Variants in CLUH observed in about 807,000 individuals in gnomAD.
CLUH encodes the protein clustered mitochondria protein homolog.
CLUH carries 77 observed loss-of-function variants against 139.3 expected under a neutral mutation model. That is an observed-to-expected ratio of 0.55 (90% CI 0.46 to 0.67). The LOEUF (loss-of-function observed/expected upper bound fraction) is 0.67. Among genes scored for constraint, CLUH ranks in the 30% least tolerant of loss-of-function variants. The probability of loss-of-function intolerance (pLI) is 0.00; values close to 1 mark genes in which losing one functional copy is unlikely to be tolerated. For synonymous variants in CLUH, 999 were observed against 801.6 expected, an observed-to-expected ratio of 1.25 and a Z score of -4.16; for missense variants, 1,876 against 1,875.8, an observed-to-expected ratio of 1.00 and a Z score of 0.00.
chr17:2,695,734 C>T (rs2069915144), intron 13 of CLUH: 4 of 669,842 alleles, frequency 6.0e-6, no homozygotes, highest in East Asian at 2.8e-5. Context: ...CCCCCTCTAA[C>T]CATGTGGGAG....
chr17:2,691,620 G>A lies in CLUH; in HGVS notation c.3852C>T (p.Phe1284=). The part of the protein sequence containing the change: ...EQLNVINGIL[F]IPLSQKDLEN... ...GGCGGAGGCCTCACCTGAGAGGAAT[G>A]AAGAGGATGCCGTTAATGACGTTCA... Residue 1284 remains phenylalanine (F), a synonymous_variant, in exon 25 of 26, where the codon TTC becomes TTT. Transcript: ENST00000651024. 3.1e-6 allele frequency: 5 copies of A among 1,612,598 alleles called. No individual in the cohort carries two copies. Among genetic ancestry groups the A allele is most frequent in the Non-Finnish European group, 4.2e-6 (5 of 1,179,378 alleles).
Position 2,691,742 on chromosome 17 carries a change from C to T in CLUH, c.3789+19G>A, listed in dbSNP as rs376994866. ...CCCGCGCTCGCCGGGCCGGAGGGGC[C>T]GCTCCGCCCCGGACTCACCTTGAGG... On this transcript the variant is annotated intron_variant, in intron 24 of 25. Transcript: ENST00000651024. 169 of 1,597,028 alleles carry T rather than the reference C, an allele frequency of 1.1e-4. 1 individual carries two copies. In the African/African-American group the frequency reaches 1.9e-3, roughly 18 times the overall value.
In CLUH at chr17:2,694,897, A is replaced by G; in HGVS notation, c.2812T>C (p.Cys938Arg). ...MTPQELWKNI[C>R]QEAKNYFDFD... ...TCAAAGTAGTTCTTGGCCTCCTGGC[A>G]GATGTTCTTCCAGAGCTCCTGGGGG... The change falls in exon 16 of 26, where the codon TGC (cysteine) becomes CGC (arginine). Residue 938 changes from cysteine (C) to arginine (R), a missense_variant. Physicochemically the swap from Cys to Arg is radical, Grantham distance 180 (BLOSUM62 -3). Transcript: ENST00000651024. 1 of 1,466,272 alleles carries G rather than the reference A, an allele frequency of 6.8e-7. No individual in the cohort carries two copies. The highest frequency in any genetic ancestry group is 9.2e-7 in the Non-Finnish European group (1 of 1,090,726). 90.8% of individuals were successfully genotyped at this position (1,466,272 alleles called of 1,614,324 possible).
intron 9 of CLUH, 48 bp from the exon 10 acceptor site, chr17:2,698,638 C>G: frequency 6.8e-7 from 1 of 1,477,118 alleles, no homozygotes; most frequent in Non-Finnish European, 9.0e-7. Flanking sequence ...CCCACAAGAG[C>G]CTGCATCCAC....
Position 2,694,480 on chromosome 17 carries a change from C to G in CLUH, c.2937G>C (p.Gln979His). Residue 979 changes from glutamine (Q) to histidine (H), a missense_variant and splice_region_variant, in exon 17 of 26, where the codon CAG becomes CAC. Around this residue, in one of 3 missense-constraint regions of CLUH, gnomAD observed 1,454 missense variants for 1,384.4 expected, o/e 1.05. Transcript: ENST00000651024. ...CGGGGATGCTGTGAGCCATGCCCAC[C>G]TGGATCCCTGTTTTCAGCGAGATCT... Reference protein sequence around the residue: ...LREISLKTGIQVLLKEYSFDS... With the variant: ...LREISLKTGIHVLLKEYSFDS... 2.5e-6 allele frequency: 4 copies of G among 1,575,130 alleles called. No homozygotes were observed. Among genetic ancestry groups the G allele is most frequent in the Non-Finnish European group, 3.4e-6 (4 of 1,160,628 alleles).
chr17:2,704,228 C>G lies in CLUH; in HGVS notation c.303+134G>C. ...CGTCCACCACGCTAGCTGAGTGACTCTAGGGAGGGCACGGGATCCTCAGTT... is the reference window on the plus strand; with the variant it reads ...CGTCCACCACGCTAGCTGAGTGACTGTAGGGAGGGCACGGGATCCTCAGTT... On this transcript the variant is annotated intron_variant, in intron 2 of 25. Transcript: ENST00000651024. The surrounding 1 kb of genome is among the most constrained non-coding windows in gnomAD (Gnocchi z 5.7). 1.1e-6 allele frequency: 1 copy of G among 942,798 alleles called. No individual in the cohort carries two copies. The highest frequency in any genetic ancestry group is 1.6e-5 in the South Asian group (1 of 60,910). The allele number at this position is 942,798 out of a possible 1,614,324, so 58.4% of individuals were successfully genotyped here. A position where few individuals can be genotyped will look rare whatever the true frequency, so the allele number is the denominator to read the frequency against.
chr17:2,704,332 T>G lies in CLUH; in HGVS notation c.303+30A>C, dbSNP rs766718710. On this transcript the variant is annotated intron_variant, in intron 2 of 25. Coordinates refer to ENST00000651024, the MANE Select transcript of CLUH (RefSeq NM_001366661.1). The surrounding 1 kb of genome is among the most constrained non-coding windows in gnomAD (Gnocchi z 5.7). ...TCACCCTCCCCAGCAGGCTCAGGCC[T>G]GGCCCCCAGCACCCGTTCCTCCATC... 2 of 1,596,248 alleles carry G rather than the reference T, an allele frequency of 1.3e-6. No homozygotes were observed. The highest frequency in any genetic ancestry group is 1.7e-6 in the Non-Finnish European group (2 of 1,170,886).
chr17:2,696,140 C>G lies in CLUH; in HGVS notation c.2391+19G>C. 1 of 1,544,424 alleles carries G rather than the reference C, an allele frequency of 6.5e-7. No homozygotes were observed. The highest frequency in any genetic ancestry group is 2.4e-5 in the East Asian group (1 of 41,018). ...ACCCTCCACACAAGCCCCACCCAGC[C>G]CCGCAGCCCCTCCCTCACCAAGCCA... On this transcript the variant is annotated intron_variant, in intron 13 of 25. Transcript: ENST00000651024.
At chr17:2,694,432 GCGGGGACACA>G (rs776700158) in intron 17 of CLUH, 38 bp downstream of exon 17, 17 of 77,126 alleles carry the variant, frequency 2.2e-4, no homozygotes, top group Admixed American at 6.1e-4. Context: ...CAGGGACGCA[GCGGGGACACA>G]GCGGGGACAC....
chr17:2,699,734 C>G (rs1282345962), intron 9 of CLUH, among the ~76,000 whole-genome samples: 2 of 151,850 alleles, frequency 1.3e-5, no homozygotes, highest in Admixed American at 6.6e-5. Context: ...TGGGTTCAAG[C>G]AATTCTCCTG....
At chr17:2,709,332 G>T (rs767106838) in intron 1 of CLUH, among the ~76,000 whole-genome samples, 1 of 152,096 alleles carries the variant, frequency 6.6e-6, no homozygotes, top group Admixed American at 6.5e-5. Flanking sequence ...GCGGGCAGGC[G>T]GCCTATGGAA....
intron 25 of CLUH, among the ~76,000 whole-genome samples, chr17:2,691,080 G>A (rs1224245177): frequency 1.3e-5 from 2 of 151,738 alleles, no homozygotes; most frequent in African/African-American, 4.8e-5. Context: ...CTCCCCACAG[G>A]AGGCCACACT....
chr17:2,697,695 G>A (rs910105290), intron 10 of CLUH, among the ~76,000 whole-genome samples: 1 of 152,202 alleles, frequency 6.6e-6, no homozygotes, highest in Non-Finnish European at 1.5e-5. Flanking sequence ...CTGGCTGCTC[G>A]CGAGTCTGCA....
rs767276034 is a variant in CLUH at position 2,698,260 on chromosome 17, C to T, written c.1597G>A (p.Asp533Asn). The T allele has an allele frequency of 1.9e-6, 3 of 1,607,958 alleles. No homozygotes were observed. Among genetic ancestry groups the T allele is most frequent in the Non-Finnish European group, 2.5e-6 (3 of 1,177,726 alleles). ...QSIIPGILERDQEQSVIYGSI... is the reference protein window; with the variant it reads ...QSIIPGILERNQEQSVIYGSI... ...CCGTAGATGACGCTCTGCTCCTGGT[C>T]CCGCTCCAGGATGCCGGGGATGATG... Residue 533 changes from aspartate to asparagine, a missense_variant, in exon 10 of 26, where the codon GAC becomes AAC. Transcript: ENST00000651024.
intron 12 of CLUH, 39 bp from the exon 13 acceptor site, chr17:2,696,298 G>A: frequency 1.3e-6 from 2 of 1,540,846 alleles, no homozygotes; most frequent in East Asian, 2.4e-5. Context: ...CCAGGCAGTG[G>A]CAAGACAAAT....
At chr17:2,696,030 A>G (rs2069927222) in intron 13 of CLUH, 129 bp downstream of exon 13, 3 of 733,956 alleles carry the variant, frequency 4.1e-6, no homozygotes, top group Non-Finnish European at 6.8e-6. Context: ...TCAAACGGGG[A>G]TGCCCACTCA....
At chr17:2,694,739 C>T in intron 16 of CLUH, 118 bp downstream of exon 16, 2 of 1,394,708 alleles carry the variant, frequency 1.4e-6, no homozygotes, top group Non-Finnish European at 1.9e-6. Context: ...ACAGCTGCTC[C>T]CTCTTCTCTC....
rs781443977 is a variant in CLUH, at chr17:2,692,071, T to G, written c.3587A>C (p.Glu1196Ala). 4 of 1,604,144 alleles carry G rather than the reference T, an allele frequency of 2.5e-6. No homozygotes were observed. The highest frequency in any genetic ancestry group is 3.4e-6 in the Non-Finnish European group (4 of 1,176,206). The change falls in exon 23 of 26, where the codon GAG becomes GCG. Residue 1196 changes from glutamate to alanine, a missense_variant. Physicochemically the swap from Glu to Ala is moderately radical, Grantham distance 107 (BLOSUM62 -1). Transcript: ENST00000651024. ...GGCCGACCGGAACTCAGCTTTGCTC[T>G]CGTAGACTCGGGCGACAAGGTGGTG... ...LSHHLVARVY[E>A]SKAEFRSALQ...
chr17:2,700,082 G>A (rs2070118385), intron 9 of CLUH, among the ~76,000 whole-genome samples: 2 of 152,240 alleles, frequency 1.3e-5, no homozygotes, highest in South Asian at 4.1e-4. Context: ...CCAGGCAAAA[G>A]CCCCGCAGCA....
Sources: allele counts gnomAD v4.1 joint callset (sites outside exome capture counted in the v4.1 genomes callset), GRCh38; gene constraint gnomAD v4.1.1; regional missense constraint gnomAD v4.1.1; non-coding constraint Gnocchi (gnomAD v3.1); transcripts MANE v1.5; gene names NCBI Gene and HGNC (gene_info 2026-07-23, HGNC 2026-07-21).